Variants in CILK1 observed in about 807,000 individuals in gnomAD.
CILK1 encodes ciliogenesis associated kinase 1, also known as serine/threonine-protein kinase ICK.
In CILK1, 47 loss-of-function variants were observed where a neutral mutation model predicts 79.2. The observed-to-expected ratio is 0.59, with a 90% CI of 0.47 to 0.76. CILK1 has a LOEUF of 0.76. CILK1 is among the 30% of genes least tolerant of loss of function. The pLI is 0.00. For missense variants in CILK1, 660 were observed against 769.5 expected, an observed-to-expected ratio of 0.86 and a Z score of 1.68; for synonymous variants, 266 against 275.9, an observed-to-expected ratio of 0.96 and a Z score of 0.36.
At chr6:53,010,538 A>C (rs992957329) in intron 11 of CILK1, among the ~76,000 whole-genome samples, 15 of 152,228 alleles carry the variant, frequency 9.9e-5, no homozygotes, top group African/African-American at 2.9e-4. Flanking sequence ...ACAAGGCCCC[A>C]AAAATGCCTC....
chr6:53,027,745 C>T (rs1765666125), intron 5 of CILK1, among the ~76,000 whole-genome samples: 1 of 152,198 alleles, frequency 6.6e-6, no homozygotes, highest in African/African-American at 2.4e-5. Flanking sequence ...TGGCTCACTC[C>T]TGTAATCCTG....
Position 53,012,081 on chromosome 6 carries a change from A to C in CILK1, c.1299T>G (p.Ile433Met). The C allele has an allele frequency of 3.1e-6, 5 of 1,614,164 alleles. No homozygotes were observed. Among genetic ancestry groups the C allele is most frequent in the Non-Finnish European group, 4.2e-6 (5 of 1,180,022 alleles). The change falls in exon 10 of 14, where the codon ATT becomes ATG. Residue 433 changes from isoleucine (I) to methionine (M), a missense_variant. Transcript: ENST00000676107. Reference sequence around the variant, plus strand: ...TCTGTCTTTTCTTGTTTTTCAGGTCAATCCTGCTGAGGGATGGACTGAAAT... The same window carrying C: ...TCTGTCTTTTCTTGTTTTTCAGGTCCATCCTGCTGAGGGATGGACTGAAAT... ...DLDFSPSLSRIDLKNKKRQSD... is the reference protein window; with the variant it reads ...DLDFSPSLSRMDLKNKKRQSD...
chr6:53,031,446 A>G (rs1765954050), intron 4 of CILK1, among the ~76,000 whole-genome samples: 1 of 152,198 alleles, frequency 6.6e-6, no homozygotes, highest in Admixed American at 6.5e-5. Flanking sequence ...GCAATGGCTA[A>G]CATTTTCCTC....
intron 1 of CILK1, among the ~76,000 whole-genome samples, chr6:53,042,694 T>C (rs1766795896): frequency 6.6e-6 from 1 of 152,330 alleles, no homozygotes; most frequent in Admixed American, 6.5e-5. Context: ...GTGACTAGTA[T>C]TCCTACAAAG....
At position 53,012,247 on chromosome 6, in the gene CILK1, G is replaced by A. The variant is rs747205250; in HGVS notation, c.1153-20C>T. On this transcript the variant is annotated intron_variant, in intron 9 of 13. Transcript: ENST00000676107. ...GATTTTCTGTGTAAACAAACGGGGT[G>A]GGGGAAAGCAATACTTGGCATTAAC... The A allele has an allele frequency of 1.2e-6, 2 of 1,612,128 alleles. No homozygotes were observed. The highest frequency in any genetic ancestry group is 2.2e-5 in the East Asian group (1 of 44,882).
At position 53,005,100 on chromosome 6, in the gene CILK1, A is replaced by C. The variant is rs763337450; in HGVS notation, c.*49T>G. The C allele has an allele frequency of 1.9e-6, 3 of 1,609,676 alleles. No individual in the cohort carries two copies. The highest frequency in any genetic ancestry group is 2.7e-5 in the African/African-American group (2 of 74,890). On this transcript the variant is annotated 3_prime_UTR_variant, in exon 14 of 14. Transcript: ENST00000676107. ...AGGTAGAACACCAGTCAGCTGAGGG[A>C]AAGTATCCTGCTTCTCCCTAGGAAG...
intron 11 of CILK1, among the ~76,000 whole-genome samples, chr6:53,011,541 G>C (rs1328126197): frequency 6.6e-6 from 1 of 152,186 alleles, no homozygotes; most frequent in Non-Finnish European, 1.5e-5. Context: ...GGAGGCTACA[G>C]TGAGCCAAGA....
At chr6:53,047,181 C>T (rs559868167) in intron 1 of CILK1, among the ~76,000 whole-genome samples, 22 of 152,248 alleles carry the variant, frequency 1.4e-4, no homozygotes, top group African/African-American at 5.1e-4. Flanking sequence ...GGGCTGGGTA[C>T]GAGGCTAGAG....
chr6:53,032,523 C>T lies in CILK1; in HGVS notation c.278+10G>A, dbSNP rs967035362. 7.0e-6 allele frequency: 11 copies of T among 1,574,166 alleles called. No homozygotes were observed. The highest frequency in any genetic ancestry group is 5.2e-5 in the Admixed American group (3 of 57,416). The stretch of plus-strand genomic sequence containing the variant: ...ATTTCTATAATAAGATAATGATGAC[C>T]AAACTGTACCTCTCTTTAATGAGCT... On this transcript the variant is annotated intron_variant, in intron 4 of 13. Transcript: ENST00000676107.
rs1308737863 is a variant in CILK1, at chr6:53,041,176, C to T, written c.61G>A (p.Gly21Arg). The change falls in exon 2 of 14, where the codon GGA becomes AGA. Residue 21 changes from glycine to arginine, a missense_variant. By Grantham distance (125) the Gly-to-Arg change is moderately radical (BLOSUM62 -2). Transcript: ENST00000676107. ...AGCTCCCCAGACTCAATGCTTCTTC[C>T]CAGCAGGACGGAACCGTAGGTTCCA... ...GDGTYGSVLLGRSIESGELIA... is the reference protein window; with the variant it reads ...GDGTYGSVLLRRSIESGELIA... 1 of 1,613,996 alleles carries T rather than the reference C, an allele frequency of 6.2e-7. No homozygotes were observed. The highest frequency in any genetic ancestry group is 8.5e-7 in the Non-Finnish European group (1 of 1,179,902).
In CILK1 at chr6:53,004,539, A is replaced by G. The variant is rs1220344488; in HGVS notation, c.*610T>C. ...ACAAAAGTAAAACAAAGTGAATTAT[A>G]TAATATAATAGTCCTTTTAGAACAG... is the stretch of plus-strand genomic sequence containing the variant. On this transcript the variant is annotated 3_prime_UTR_variant, in exon 14 of 14. Coordinates refer to ENST00000676107, the MANE Select transcript of CILK1 (RefSeq NM_014920.5). The G allele has an allele frequency of 6.6e-6, 1 of 152,514 alleles. No homozygotes were observed. The highest frequency in any genetic ancestry group is 2.4e-5 in the African/African-American group (1 of 41,460). 9.4% of individuals were successfully genotyped at this position (152,514 alleles called of 1,614,324 possible). A position where few individuals can be genotyped will look rare whatever the true frequency, so the allele number is the denominator to read the frequency against.
At chr6:53,011,941 G>A in intron 10 of CILK1, 24 bp from the exon 11 acceptor site, 1 of 1,614,092 alleles carries the variant, frequency 6.2e-7, no homozygotes, top group Non-Finnish European at 8.5e-7. Flanking sequence ...GCATGGCTTG[G>A]GTCAGCACGA....
At chr6:53,040,687 G>A (rs968965023) in intron 2 of CILK1, among the ~76,000 whole-genome samples, 5 of 152,238 alleles carry the variant, frequency 3.3e-5, no homozygotes, top group African/African-American at 1.2e-4. Context: ...AAGTCTTGGA[G>A]TAAATTGTTA....
chr6:53,022,415 T>C (rs1464145253), intron 5 of CILK1, among the ~76,000 whole-genome samples: 1 of 152,316 alleles, frequency 6.6e-6, no homozygotes, highest in Non-Finnish European at 1.5e-5. Context: ...ATACTTACCA[T>C]TGTGTTACAA....
chr6:53,049,501 C>T (rs1581761539), intron 1 of CILK1, among the ~76,000 whole-genome samples: 1 of 152,338 alleles, frequency 6.6e-6, no homozygotes, highest in Admixed American at 6.5e-5. Flanking sequence ...CTCAGTATCA[C>T]TCCAGGTTGC....
chr6:53,060,652 T>A (rs1768370033), intron 1 of CILK1, among the ~76,000 whole-genome samples: 1 of 152,226 alleles, frequency 6.6e-6, no homozygotes, highest in African/African-American at 2.4e-5. Flanking sequence ...CAGAAACTAT[T>A]TTAAATGTGC....
At chr6:53,018,634 G>A in intron 6 of CILK1, 133 bp from the exon 7 acceptor site, 1 of 906,734 alleles carries the variant, frequency 1.1e-6, no homozygotes, top group South Asian at 1.7e-5. Context: ...TAATGGAATT[G>A]TGAGAACTTG....
chr6:53,007,859 G>C lies in CILK1; in HGVS notation c.1622-1422C>G, dbSNP rs1465858364. 3.3e-5 allele frequency among the ~76,000 whole-genome samples: 5 copies of C among 151,792 alleles called. No homozygotes were observed. The East Asian group carries it at 9.7e-4, about 29-fold the overall frequency. ...GGAGGCTGAGGCAGGAGAATTGCTT[G>C]AACCAGGGAGGCAGAGGTTGCAGTG... On this transcript the variant is annotated intron_variant, in intron 12 of 13. Coordinates refer to ENST00000676107, the MANE Select transcript of CILK1 (RefSeq NM_014920.5).
In CILK1 at chr6:53,016,153, C is replaced by T; in HGVS notation, c.761G>A (p.Ser254Asn). ...TCTCAGGAGCTGGACTGCTTCACTGCTAGCATTGGGAATCAAGGTCTTTAA... is the reference window on the plus strand; with the variant it reads ...TCTCAGGAGCTGGACTGCTTCACTGTTAGCATTGGGAATCAAGGTCTTTAA... Reference protein sequence around the residue: ...NNLKTLIPNASSEAVQLLRDM... With the variant: ...NNLKTLIPNANSEAVQLLRDM... Residue 254 changes from serine (S) to asparagine (N), a missense_variant, in exon 8 of 14, where the codon AGC becomes AAC. Coordinates refer to ENST00000676107, the MANE Select transcript of CILK1 (RefSeq NM_014920.5). 1 of 1,614,132 alleles carries T rather than the reference C, an allele frequency of 6.2e-7. No individual in the cohort carries two copies. Among genetic ancestry groups the T allele is most frequent in the Non-Finnish European group, 8.5e-7 (1 of 1,179,962 alleles).
Sources: gnomAD v4.1 joint callset for allele counts (sites outside exome capture counted in the v4.1 genomes callset) on GRCh38, gnomAD v4.1.1 for gene constraint, MANE v1.5 for transcripts, NCBI Gene and HGNC (gene_info 2026-07-23, HGNC 2026-07-21) for gene names.